Variants in DIS3L2 observed in about 807,000 individuals in gnomAD.
The protein encoded by DIS3L2 is DIS3-like exonuclease 2.
DIS3L2 carries 34 observed loss-of-function variants against 97.5 expected under a neutral mutation model. That is an observed-to-expected ratio of 0.35 (90% CI 0.27 to 0.46). The LOEUF is 0.46. DIS3L2 is among the 20% of genes least tolerant of loss of function. DIS3L2 has a pLI of 1.00. For synonymous variants in DIS3L2, 435 were observed against 445.2 expected (o/e 0.98, Z 0.29); for missense variants, 1,038 against 1,146.0 (o/e 0.91, Z 1.36).
intron 8 of DIS3L2, among the ~76,000 whole-genome samples, chr2:232,142,422 T>A (rs1048684368): frequency 1.3e-5 from 2 of 152,178 alleles, no homozygotes; most frequent in Admixed American, 6.6e-5. Context: ...TTGGCACTTC[T>A]TCCAAAGTCG....
At chr2:232,069,844 C>T (rs1695959646) in intron 5 of DIS3L2, among the ~76,000 whole-genome samples, 1 of 152,154 alleles carries the variant, frequency 6.6e-6, no homozygotes, top group East Asian at 1.9e-4. Flanking sequence ...GGCACATACA[C>T]ACATCTGTGC....
intron 17 of DIS3L2, 39 bp from the exon 18 acceptor site, chr2:232,334,330 C>A (rs1368762588): frequency 7.5e-6 from 12 of 1,606,388 alleles, no homozygotes; most frequent in Non-Finnish European, 1.0e-5. Flanking sequence ...TTCCCAGCCC[C>A]CCAGGCTCCC....
At chr2:232,057,384 C>T (rs879526179) in intron 5 of DIS3L2, among the ~76,000 whole-genome samples, 3 of 151,970 alleles carry the variant, frequency 2.0e-5, no homozygotes, top group Non-Finnish European at 4.4e-5. Context: ...ATGAGCAAGT[C>T]GCAATTTTGG....
intron 13 of DIS3L2, among the ~76,000 whole-genome samples, chr2:232,270,860 GTCTC>G (rs71056262): frequency 0.065 from 6,770 of 103,392 alleles, 355 homozygotes; most frequent in Non-Finnish European, 0.069. Context: ...TCTTTTTCTC[GTCTC>G]TCTCTCTCTC....
At chr2:232,340,027 C>T (rs565907864), downstream of DIS3L2, among the ~76,000 whole-genome samples, 4 of 152,182 alleles carry the variant, frequency 2.6e-5, no homozygotes, top group South Asian at 6.2e-4. Context: ...GGCCTGGGCG[C>T]GTTTAGCTGT....
intron 12 of DIS3L2, among the ~76,000 whole-genome samples, chr2:232,256,498 G>T (rs1693566090): frequency 6.6e-6 from 1 of 152,212 alleles, no homozygotes; most frequent in Non-Finnish European, 1.5e-5. Flanking sequence ...TTGTGTACCA[G>T]TTGGGGCTTT....
intron 6 of DIS3L2, among the ~76,000 whole-genome samples, chr2:232,091,464 A>G (rs1378552423): frequency 6.6e-6 from 1 of 152,128 alleles, no homozygotes; most frequent in Admixed American, 6.5e-5. Flanking sequence ...AATTCCATTA[A>G]TGTTGCAAAT....
At chr2:232,105,490 T>C (rs550584577) in intron 6 of DIS3L2, among the ~76,000 whole-genome samples, 1 of 152,348 alleles carries the variant, frequency 6.6e-6, no homozygotes, top group South Asian at 2.1e-4. Flanking sequence ...TTCAGGCTTT[T>C]CCTTTTCACT....
At chr2:232,228,275 A>G (rs1364281964) in intron 10 of DIS3L2, among the ~76,000 whole-genome samples, 1 of 152,204 alleles carries the variant, frequency 6.6e-6, no homozygotes, top group Non-Finnish European at 1.5e-5. Flanking sequence ...TGGGACTTTT[A>G]AAAAATAGAA....
intron 3 of DIS3L2, among the ~76,000 whole-genome samples, chr2:232,017,916 A>G (rs1267510498): frequency 1.3e-5 from 2 of 152,080 alleles, no homozygotes; most frequent in African/African-American, 4.8e-5. Flanking sequence ...CTTGGCTTTT[A>G]TGTTTCCCCC....
rs1247403605 is a variant in DIS3L2, at chr2:232,168,609, T to C, written c.1124+4977T>C. Among the ~76,000 whole-genome samples the C allele has an allele frequency of 2.0e-5, 3 of 152,194 alleles. 1 individual carries two copies. In the East Asian group the frequency reaches 5.8e-4, roughly 29 times the overall value. On this transcript the variant is annotated intron_variant, in intron 9 of 20. Transcript: ENST00000325385. ...CCATTATTTGCACTTGGCAAAAGCATAGGAACCAAGAGTGCCACTGTCATT... is the reference window on the plus strand; with the variant it reads ...CCATTATTTGCACTTGGCAAAAGCACAGGAACCAAGAGTGCCACTGTCATT...
chr2:232,192,026 G>T (rs767770686), intron 9 of DIS3L2, among the ~76,000 whole-genome samples: 4 of 152,086 alleles, frequency 2.6e-5, no homozygotes, highest in African/African-American at 7.2e-5. Context: ...TATACCAGGG[G>T]TCACACTAAG....
At chr2:232,159,552 T>G (rs999708508) in intron 8 of DIS3L2, among the ~76,000 whole-genome samples, 1 of 152,214 alleles carries the variant, frequency 6.6e-6, no homozygotes, top group Non-Finnish European at 1.5e-5. Flanking sequence ...TGACGGGAAT[T>G]GTAGTCCTTT....
At chr2:232,213,997 C>T (rs917584451) in intron 10 of DIS3L2, among the ~76,000 whole-genome samples, 2 of 152,164 alleles carry the variant, frequency 1.3e-5, no homozygotes, top group African/African-American at 4.8e-5. Flanking sequence ...CTCCACTTTT[C>T]TTATCCTAAA....
intron 6 of DIS3L2, among the ~76,000 whole-genome samples, chr2:232,119,529 A>G (rs1483998941): frequency 6.6e-6 from 1 of 152,232 alleles, no homozygotes; most frequent in Non-Finnish European, 1.5e-5. Context: ...ATATAAGTGT[A>G]TGTACCTACA....
At chr2:232,101,850 C>T (rs1273537436) in intron 6 of DIS3L2, among the ~76,000 whole-genome samples, 1 of 152,226 alleles carries the variant, frequency 6.6e-6, no homozygotes, top group Non-Finnish European at 1.5e-5. Flanking sequence ...TCATAGTTCT[C>T]TAACCCTGAG....
intron 8 of DIS3L2, among the ~76,000 whole-genome samples, chr2:232,162,842 C>A (rs920013476): frequency 6.6e-6 from 1 of 152,072 alleles, no homozygotes; most frequent in African/African-American, 2.4e-5. Flanking sequence ...AAAGGTGGAA[C>A]CCTGTTCATA....
intron 1 of DIS3L2, among the ~76,000 whole-genome samples, chr2:232,002,146 C>A (rs1230610297): frequency 6.6e-6 from 1 of 152,180 alleles, no homozygotes; most frequent in African/African-American, 2.4e-5. Context: ...TTCCCCACTA[C>A]GTATTCTTGG....
chr2:232,329,709 C>G, intron 14 of DIS3L2, 104 bp from the exon 15 acceptor site: 1 of 1,209,026 alleles, frequency 8.3e-7, no homozygotes, highest in East Asian at 2.8e-5. Context: ...AAGCTGAGAC[C>G]TGAAGGGTGA....
Sources: allele counts gnomAD v4.1 joint callset (sites outside exome capture counted in the v4.1 genomes callset), GRCh38; gene constraint gnomAD v4.1.1; transcripts MANE v1.5; gene names NCBI Gene and HGNC (gene_info 2026-07-23, HGNC 2026-07-21).